MGA: variants seen among roughly 807,000 people sequenced by gnomAD.
MGA encodes the protein MAX dimerization protein MGA, also known as MAX gene-associated protein.
In MGA, 40 loss-of-function variants were observed where a neutral mutation model predicts 261.1. The ratio of observed to expected loss-of-function variants is 0.15; its 90% CI spans 0.12 to 0.20. The LOEUF (loss-of-function observed/expected upper bound fraction) is 0.20. Ranked by LOEUF, MGA falls within the 10% of genes least tolerant of loss-of-function variation. The pLI is 1.00. For missense variants in MGA, 3,397 were observed against 3,630.5 expected (o/e 0.94, Z 1.65); for synonymous variants, 1,302 against 1,290.6 (o/e 1.01, Z -0.19).
intron 2 of MGA, chr15:41,684,353 TTTTAA>T (rs2058833688): frequency 2.2e-6 from 1 of 448,476 alleles, no homozygotes; most frequent in Non-Finnish European, 4.4e-6. Context: ...AAAAAAATCC[TTTTAA>T]TTAACTGTTG....
In MGA at chr15:41,699,493, A is replaced by ATGTG. The variant is rs10637801; in HGVS notation, c.2188+348_2188+351dup. Among the ~76,000 whole-genome samples, 115 of 151,044 alleles carry ATGTG rather than the reference A, an allele frequency of 7.6e-4. 1 individual carries two copies. The highest frequency in any genetic ancestry group is 4.0e-3 in the South Asian group (19 of 4,776). On this transcript the variant is annotated intron_variant, in intron 5 of 23. Coordinates refer to ENST00000219905, the MANE Select transcript of MGA (RefSeq NM_001164273.2). The stretch of plus-strand genomic sequence containing the variant: ...CATCTTAATTTGGTTGCTTTTGTTT[A>ATGTG]TGTGTGTGTGTGTGTGTTTGTTTGA...
chr15:41,762,483 T>C, intron 22 of MGA, 121 bp downstream of exon 22: 1 of 741,564 alleles, frequency 1.3e-6, no homozygotes, highest in Non-Finnish European at 2.1e-6. Flanking sequence ...TTTTTTTTTT[T>C]TTTTTTTTGG....
chr15:41,628,229 T>C (rs1003131645), intron 1 of MGA, among the ~76,000 whole-genome samples: 17 of 151,860 alleles, frequency 1.1e-4, no homozygotes, highest in African/African-American at 3.9e-4. Context: ...AAAAATTAGC[T>C]GGGTGTGGTG....
chr15:41,750,661 T>C lies in MGA; in HGVS notation c.7008+46T>C, dbSNP rs767960719. The C allele has an allele frequency of 1.7e-5, 26 of 1,504,592 alleles. No homozygotes were observed. The African/African-American group carries it at 3.6e-4, about 21-fold the overall frequency. 93.2% of individuals were successfully genotyped at this position (1,504,592 alleles called of 1,614,324 possible). A position where few individuals can be genotyped will look rare whatever the true frequency, so the allele number is the denominator to read the frequency against. The stretch of plus-strand genomic sequence containing the variant: ...GTGACTGAAACCTAAAGGATTTAAA[T>C]GATTTATTAAAGACAGAAGCTTTTT... On this transcript the variant is annotated intron_variant, in intron 17 of 23. Coordinates refer to ENST00000219905, the MANE Select transcript of MGA (RefSeq NM_001164273.2).
chr15:41,691,065 G>GAAA (rs1271983501), intron 2 of MGA, among the ~76,000 whole-genome samples: 1 of 102,368 alleles, frequency 9.8e-6, no homozygotes, highest in African/African-American at 3.8e-5. Flanking sequence ...GTCCCTTTCT[G>GAAA]AAAAAAAAAA....
intron 5 of MGA, among the ~76,000 whole-genome samples, chr15:41,705,049 A>T (rs577187938): frequency 6.6e-6 from 1 of 152,228 alleles, no homozygotes; most frequent in Non-Finnish European, 1.5e-5. Flanking sequence ...ATATAAAAAG[A>T]TAATAGGTTT....
chr15:41,753,322 A>G (rs2062959901), intron 17 of MGA, among the ~76,000 whole-genome samples: 1 of 152,060 alleles, frequency 6.6e-6, no homozygotes, highest in South Asian at 2.1e-4. Flanking sequence ...AAGCAGGAGA[A>G]TCGTTTGAAT....
In MGA at chr15:41,718,012, C is replaced by T. The variant is rs552657831; in HGVS notation, c.3430+4516C>T. Among the ~76,000 whole-genome samples, 4 of 141,270 alleles carry T rather than the reference C, an allele frequency of 2.8e-5. No homozygotes were observed. In the South Asian group the frequency reaches 6.6e-4, roughly 23 times the overall value. The allele number at this position is 141,270 out of a possible 152,430, so 92.7% of individuals were successfully genotyped here. A position where few individuals can be genotyped will look rare whatever the true frequency, so the allele number is the denominator to read the frequency against. ...TCTGGGTGACAGAGTGAGACCCTGT[C>T]TCAAAAAAAAAAAAAAAATTAATGT... is the stretch of plus-strand genomic sequence containing the variant. On this transcript the variant is annotated intron_variant, in intron 9 of 23. Transcript: ENST00000219905.
At chr15:41,765,135 CT>C in intron 23 of MGA, 73 bp downstream of exon 23, 1 of 1,512,134 alleles carries the variant, frequency 6.6e-7, no homozygotes. Context: ...CCAAGGAAGG[CT>C]TTGGATGTGT....
chr15:41,750,003 C>G lies in MGA; in HGVS notation c.6396C>G (p.Val2132=), dbSNP rs749837457. The G allele has an allele frequency of 6.2e-7, 1 of 1,612,446 alleles. No homozygotes were observed. The highest frequency in any genetic ancestry group is 8.5e-7 in the Non-Finnish European group (1 of 1,179,494). ...AAGAAAACTCAAGTGAATTTCCAGT[C>G]ACCTTTAAGGAAGAAAGTAAATTTG... is the stretch of plus-strand genomic sequence containing the variant. The change falls in exon 17 of 24, where the codon GTC becomes GTG. Residue 2132 remains valine, a synonymous_variant. Transcript: ENST00000219905.
intron 15 of MGA, among the ~76,000 whole-genome samples, chr15:41,747,226 A>AT (rs991122974): frequency 1.3e-5 from 2 of 151,926 alleles, no homozygotes; most frequent in African/African-American, 2.4e-5. Flanking sequence ...GGCTTAAGTA[A>AT]TTTTTTCCTT....
chr15:41,678,197 T>C (rs2058484886), intron 2 of MGA, among the ~76,000 whole-genome samples: 1 of 151,488 alleles, frequency 6.6e-6, no homozygotes, highest in Non-Finnish European at 1.5e-5. Context: ...TTCAAGCGAT[T>C]CTCCTGCCTC....
rs1444016057 is a variant in MGA, at chr15:41,678,904, G to GTTTATC, written c.1064+8952_1064+8957dup. On this transcript the variant is annotated intron_variant, in intron 2 of 23. Transcript: ENST00000219905. ...GTATTCTGTTCGCCTATATGTTTATGTTTATCTTTATGCCAGTGTCACATT... is the reference window on the plus strand; with the variant it reads ...GTATTCTGTTCGCCTATATGTTTATGTTTATCTTTATCTTTATGCCAGTGTCACATT... 2.6e-5 allele frequency among the ~76,000 whole-genome samples: 4 copies of GTTTATC among 152,252 alleles called. No homozygotes were observed. In the East Asian group the frequency reaches 5.8e-4, roughly 22 times the overall value.
In MGA at chr15:41,760,354, A is replaced by G; in HGVS notation, c.7223A>G (p.Asp2408Gly). The change falls in exon 20 of 24, where the codon GAT becomes GGT. Residue 2408 changes from aspartate (D) to glycine (G), a missense_variant. Asp to Gly is a moderately conservative substitution (Grantham distance 94). Around this residue, in one of 9 missense-constraint regions of MGA, gnomAD observed 1,410 missense variants for 1,386.4 expected, o/e 1.02. Coordinates refer to ENST00000219905, the MANE Select transcript of MGA (RefSeq NM_001164273.2). ...CCAATTCCTCTAAAACTGAAGCCTGATTACTGGAGTGACAAACTACAGAAA... is the reference window on the plus strand; with the variant it reads ...CCAATTCCTCTAAAACTGAAGCCTGGTTACTGGAGTGACAAACTACAGAAA... 3 of 1,614,044 alleles carry G rather than the reference A, an allele frequency of 1.9e-6. No individual in the cohort carries two copies. Among genetic ancestry groups the G allele is most frequent in the Non-Finnish European group, 2.5e-6 (3 of 1,179,902 alleles).
Position 41,692,437 on chromosome 15 carries a change from C to G in MGA, c.1065-3638C>G, listed in dbSNP as rs144405143. 1.2e-4 allele frequency among the ~76,000 whole-genome samples: 19 copies of G among 152,280 alleles called. No homozygotes were observed. The East Asian group carries it at 3.7e-3, about 29-fold the overall frequency. ...AAAAGTTGGTTTCTCTGTGTTTTTG[C>G]AAAGATCCTTTGCCTATAGTTGCTT... is the stretch of plus-strand genomic sequence containing the variant. On this transcript the variant is annotated intron_variant, in intron 2 of 23. Coordinates refer to ENST00000219905, the MANE Select transcript of MGA (RefSeq NM_001164273.2).
At chr15:41,683,003 C>T (rs1204141278) in intron 2 of MGA, among the ~76,000 whole-genome samples, 6 of 152,140 alleles carry the variant, frequency 3.9e-5, no homozygotes, top group Admixed American at 3.3e-4. Flanking sequence ...TGGCTTTATT[C>T]TGCTTCTCAA....
intron 2 of MGA, among the ~76,000 whole-genome samples, chr15:41,672,948 T>C (rs1195472232): frequency 6.6e-6 from 1 of 152,204 alleles, no homozygotes; most frequent in Admixed American, 6.6e-5. Context: ...ATTCTTTGTT[T>C]TAGCTAATGT....
chr15:41,652,729 T>A (rs1472605453), intron 1 of MGA, among the ~76,000 whole-genome samples: 1 of 152,098 alleles, frequency 6.6e-6, no homozygotes, highest in African/African-American at 2.4e-5. Context: ...AATATGATTA[T>A]TCTGTCTTTT....
At chr15:41,639,108 C>T (rs977224969) in intron 1 of MGA, among the ~76,000 whole-genome samples, 1 of 152,122 alleles carries the variant, frequency 6.6e-6, no homozygotes, top group Non-Finnish European at 1.5e-5. Flanking sequence ...GAGAATTTGT[C>T]CTTCTCTTCC....
Sources: gnomAD v4.1 joint callset for allele counts (sites outside exome capture counted in the v4.1 genomes callset) on GRCh38, gnomAD v4.1.1 for gene constraint, gnomAD v4.1.1 regional missense constraint, MANE v1.5 for transcripts, NCBI Gene and HGNC (gene_info 2026-07-23, HGNC 2026-07-21) for gene names.